The following RABEPK variants were observed in gnomAD, a reference collection of about 807,000 sequenced individuals.
RABEPK encodes the protein 40 kDa Rab9 effector protein.
Under a neutral mutation model 34.1 loss-of-function variants are expected in RABEPK, and 27 were observed. The ratio of observed to expected loss-of-function variants is 0.79; its 90% CI spans 0.58 to 1.09. RABEPK has a LOEUF of 1.09. Ranked by LOEUF, RABEPK falls within the 50% of genes least tolerant of loss-of-function variation. The probability of loss-of-function intolerance (pLI) is 0.00; values close to 1 mark genes in which losing one functional copy is unlikely to be tolerated. For missense variants in RABEPK, 449 were observed against 462.6 expected (o/e 0.97, Z 0.27); for synonymous variants, 172 against 169.2 (o/e 1.02, Z -0.13).
intron 1 of RABEPK, among the ~76,000 whole-genome samples, chr9:125,201,590 C>T (rs79424790): frequency 0.023 from 3,498 of 152,156 alleles, 143 homozygotes; most frequent in African/African-American, 0.079. Flanking sequence ...CCAGCCTGGA[C>T]AACAAAGCGA....
At chr9:125,203,773 C>T (rs1441203749) in intron 2 of RABEPK, among the ~76,000 whole-genome samples, 2 of 152,158 alleles carry the variant, frequency 1.3e-5, no homozygotes, top group Non-Finnish European at 2.9e-5. Flanking sequence ...TGGCTCATGC[C>T]TGTAATCCCA....
intron 2 of RABEPK, among the ~76,000 whole-genome samples, chr9:125,203,430 C>T (rs893105736): frequency 6.6e-6 from 1 of 152,108 alleles, no homozygotes; most frequent in African/African-American, 2.4e-5. Flanking sequence ...TTCAAACAAC[C>T]CTTTATTCAA....
Position 125,210,551 on chromosome 9 carries a change from C to T in RABEPK, c.212-2819C>T, listed in dbSNP as rs12686067. On this transcript the variant is annotated intron_variant, in intron 3 of 7. Coordinates refer to ENST00000373538, the MANE Select transcript of RABEPK (RefSeq NM_005833.4). ...TGGCCAACATGGTGAAACCCTGTCTCTACTAAAAATACAAAAAAATTAGCT... is the reference window on the plus strand; with the variant it reads ...TGGCCAACATGGTGAAACCCTGTCTTTACTAAAAATACAAAAAAATTAGCT... Among the ~76,000 whole-genome samples the T allele has an allele frequency of 1.3e-4, 20 of 151,536 alleles. No individual in the cohort carries two copies. In the East Asian group the frequency reaches 3.5e-3, roughly 27 times the overall value.
chr9:125,218,624 C>T (rs901010699), intron 4 of RABEPK, among the ~76,000 whole-genome samples: 4 of 152,016 alleles, frequency 2.6e-5, no homozygotes, highest in Non-Finnish European at 5.9e-5. Flanking sequence ...TTTTATTCTC[C>T]AGTCAGAGGA....
intron 4 of RABEPK, chr9:125,220,233 C>T: frequency 4.2e-6 from 5 of 1,184,490 alleles, no homozygotes; most frequent in Non-Finnish European, 3.3e-6. Flanking sequence ...AACTCCTGAC[C>T]TCAAGTGATC....
rs561356086 is a variant in RABEPK, at chr9:125,226,197, A to G, written c.527-1713A>G. On this transcript the variant is annotated intron_variant, in intron 5 of 7. Transcript: ENST00000373538. ...CTGGGTGTGGTTTTGGGTGCCTGTA[A>G]TCCCACCTACTCAGGAGGCTGAGGC... Among the ~76,000 whole-genome samples the G allele has an allele frequency of 1.1e-4, 17 of 151,480 alleles. No homozygotes were observed. The East Asian group carries it at 3.3e-3, about 30-fold the overall frequency.
intron 3 of RABEPK, among the ~76,000 whole-genome samples, chr9:125,211,967 TC>T (rs1830616509): frequency 6.7e-6 from 1 of 149,284 alleles, no homozygotes; most frequent in Non-Finnish European, 1.5e-5. Flanking sequence ...AGACTCCATC[TC>T]AAAAAAAAAA....
intron 2 of RABEPK, among the ~76,000 whole-genome samples, chr9:125,203,302 T>C (rs575263885): frequency 2.0e-5 from 3 of 152,350 alleles, no homozygotes; most frequent in African/African-American, 7.2e-5. Context: ...AGTAAGGCAC[T>C]GACCATCTGG....
At chr9:125,228,685 C>T (rs188265352) in intron 6 of RABEPK, among the ~76,000 whole-genome samples, 3 of 150,138 alleles carry the variant, frequency 2.0e-5, no homozygotes, top group African/African-American at 7.3e-5. Flanking sequence ...AAAAAAAAGC[C>T]GGGCTTGGTG....
chr9:125,220,815 C>G lies in RABEPK; in HGVS notation c.526+115C>G, dbSNP rs1012563089. On this transcript the variant is annotated intron_variant, in intron 5 of 7. Coordinates refer to ENST00000373538, the MANE Select transcript of RABEPK (RefSeq NM_005833.4). ...CCTGACTAAGTGTCTCACTTCTAGACTTCTTTGTTATATCTCTTAGCTGAT... is the reference window on the plus strand; with the variant it reads ...CCTGACTAAGTGTCTCACTTCTAGAGTTCTTTGTTATATCTCTTAGCTGAT... 5.5e-5 allele frequency: 71 copies of G among 1,294,396 alleles called. No homozygotes were observed. The African/African-American group carries it at 8.6e-4, about 16-fold the overall frequency. 80.2% of individuals were successfully genotyped at this position (1,294,396 alleles called of 1,614,324 possible). A position where few individuals can be genotyped will look rare whatever the true frequency, so the allele number is the denominator to read the frequency against.
chr9:125,209,459 C>T (rs910630161), intron 3 of RABEPK, among the ~76,000 whole-genome samples: 2 of 152,090 alleles, frequency 1.3e-5, no homozygotes, highest in African/African-American at 2.4e-5. Context: ...AAGCGATTCT[C>T]CTGCCTCAGC....
intron 6 of RABEPK, among the ~76,000 whole-genome samples, chr9:125,228,684 C>G (rs1211168383): frequency 6.8e-6 from 1 of 146,278 alleles, no homozygotes; most frequent in Admixed American, 6.9e-5. Context: ...AAAAAAAAAG[C>G]CGGGCTTGGT....
intron 4 of RABEPK, among the ~76,000 whole-genome samples, chr9:125,218,593 A>G (rs1831110910): frequency 7.8e-6 from 1 of 128,352 alleles, no homozygotes; most frequent in African/African-American, 2.7e-5. Flanking sequence ...AAGCTTCTAT[A>G]CATCTATCTA....
rs889537444 is a variant in RABEPK at position 125,204,113 on chromosome 9, T to A, written c.53+1047T>A. ...ACTTTGGGAGGCCGAGGTGGGCGGA[T>A]CACGAGGTCAGGAGATCGAGACCAC... is the stretch of plus-strand genomic sequence containing the variant. On this transcript the variant is annotated intron_variant, in intron 2 of 7. Transcript: ENST00000373538. Among the ~76,000 whole-genome samples, 3 of 149,060 alleles carry A rather than the reference T, an allele frequency of 2.0e-5. No individual in the cohort carries two copies. In the Admixed American group the frequency reaches 2.0e-4, roughly 10 times the overall value.
rs537286778 is a variant in RABEPK, at chr9:125,209,097, G to T, written c.211+1376G>T. Among the ~76,000 whole-genome samples the T allele has an allele frequency of 4.0e-5, 5 of 125,068 alleles. No homozygotes were observed. In the East Asian group the frequency reaches 9.3e-4, roughly 23 times the overall value. The allele number at this position is 125,068 out of a possible 152,430, so 82.0% of individuals were successfully genotyped here. A position where few individuals can be genotyped will look rare whatever the true frequency, so the allele number is the denominator to read the frequency against. ...TTTTGAGACCAAGTCTTGCTCTGTT[G>T]CCCAGGCTGGAGTGCAGTGGTGCTG... On this transcript the variant is annotated intron_variant, in intron 3 of 7. Transcript: ENST00000373538.
At chr9:125,209,976 C>T (rs746341494) in intron 3 of RABEPK, among the ~76,000 whole-genome samples, 27 of 152,140 alleles carry the variant, frequency 1.8e-4, no homozygotes, top group Non-Finnish European at 2.5e-4. Flanking sequence ...CCGTCTGCCC[C>T]ACAAGAACAT....
intron 6 of RABEPK, among the ~76,000 whole-genome samples, chr9:125,228,288 G>A (rs1831913001): frequency 6.6e-6 from 1 of 151,756 alleles, no homozygotes; most frequent in Non-Finnish European, 1.5e-5. Flanking sequence ...TGGTAGAGAT[G>A]GGGTCTCACC....
At position 125,207,746 on chromosome 9, in the gene RABEPK, A is replaced by G. The variant is rs575770853; in HGVS notation, c.211+25A>G. The G allele has an allele frequency of 1.1e-5, 18 of 1,613,442 alleles. 1 individual carries two copies. In the South Asian group the frequency reaches 1.5e-4, roughly 14 times the overall value. The stretch of plus-strand genomic sequence containing the variant: ...GGTAAGATCAGCAGCTGCAGAGTAC[A>G]TGCCCTATGGCCAGAGAACAGGGCT... On this transcript the variant is annotated intron_variant, in intron 3 of 7. Coordinates refer to ENST00000373538, the MANE Select transcript of RABEPK (RefSeq NM_005833.4).
intron 2 of RABEPK, among the ~76,000 whole-genome samples, chr9:125,203,958 G>A (rs1172963783): frequency 6.6e-6 from 1 of 150,420 alleles, no homozygotes; most frequent in Non-Finnish European, 1.5e-5. Flanking sequence ...CTTGAATCTG[G>A]GAGGCAGAGG....
Sources: allele counts gnomAD v4.1 joint callset (sites outside exome capture counted in the v4.1 genomes callset), GRCh38; gene constraint gnomAD v4.1.1; transcripts MANE v1.5; gene names NCBI Gene and HGNC (gene_info 2026-07-23, HGNC 2026-07-21).